Variants in KBTBD12 observed in about 807,000 individuals in gnomAD.
KBTBD12 encodes the protein kelch repeat and BTB domain containing 12.
In KBTBD12, 53 loss-of-function variants were observed where a neutral mutation model predicts 58.7. That is an observed-to-expected ratio of 0.90 (90% confidence interval 0.72 to 1.14). The LOEUF is 1.14. Among genes scored for constraint, KBTBD12 ranks in the 50% most tolerant of loss-of-function variants. The pLI is 0.00. For missense variants in KBTBD12, 704 were observed against 751.3 expected (o/e 0.94, Z 0.74); for synonymous variants, 236 against 259.8 (o/e 0.91, Z 0.88).
intron 4 of KBTBD12, among the ~76,000 whole-genome samples, chr3:127,935,662 G>A (rs1939814494): frequency 6.6e-6 from 1 of 151,756 alleles, no homozygotes; most frequent in Admixed American, 6.6e-5. Context: ...CAGCAAAGGA[G>A]GAACAGAAAA....
At position 127,930,126 on chromosome 3, in the gene KBTBD12, C is replaced by T. The variant is rs776068511; in HGVS notation, c.1342-7C>T. 38 of 1,572,380 alleles carry T rather than the reference C, an allele frequency of 2.4e-5. 1 individual carries two copies. The South Asian group carries it at 4.3e-4, about 18-fold the overall frequency. ...TGTTATTATATTGGCTGTCATATTTCATACAGATGGATCTTCCTGATGAAG... is the reference window on the plus strand; with the variant it reads ...TGTTATTATATTGGCTGTCATATTTTATACAGATGGATCTTCCTGATGAAG... On this transcript the variant is annotated splice_polypyrimidine_tract_variant and splice_region_variant and intron_variant, in intron 3 of 5. Transcript: ENST00000405109.
At chr3:127,970,941 T>C (rs1249655482) in intron 5 of KBTBD12, among the ~76,000 whole-genome samples, 1 of 152,226 alleles carries the variant, frequency 6.6e-6, no homozygotes, top group Non-Finnish European at 1.5e-5. Flanking sequence ...TTATGATATA[T>C]GAACTATACC....
chr3:127,941,171 A>G (rs1319578621), intron 4 of KBTBD12, among the ~76,000 whole-genome samples: 5 of 152,214 alleles, frequency 3.3e-5, no homozygotes, highest in Non-Finnish European at 7.3e-5. Context: ...AAAACTTCCC[A>G]TCTCATTTTA....
intron 5 of KBTBD12, 30 bp downstream of exon 5, chr3:127,963,416 C>T: frequency 6.5e-7 from 1 of 1,541,574 alleles, no homozygotes; most frequent in Non-Finnish European, 8.8e-7. Context: ...CATTTTGTTA[C>T]CTCCTTTGGT....
At chr3:127,972,068 C>A (rs537672435) in intron 5 of KBTBD12, among the ~76,000 whole-genome samples, 32 of 152,260 alleles carry the variant, frequency 2.1e-4, no homozygotes, top group South Asian at 1.9e-3. Context: ...TTTTACTAAC[C>A]AATGCAGATT....
intron 4 of KBTBD12, among the ~76,000 whole-genome samples, chr3:127,961,000 T>G (rs746610166): frequency 3.3e-5 from 5 of 152,238 alleles, no homozygotes; most frequent in Non-Finnish European, 5.9e-5. Flanking sequence ...TTCAGGATGC[T>G]GGTTGCTCCG....
At chr3:127,944,713 A>G (rs902423728) in intron 4 of KBTBD12, among the ~76,000 whole-genome samples, 1 of 152,052 alleles carries the variant, frequency 6.6e-6, no homozygotes, top group African/African-American at 2.4e-5. Context: ...ACTATGTTGT[A>G]TAGAAGTGGC....
At chr3:127,982,805 A>T (rs1177313166) in intron 5 of KBTBD12, among the ~76,000 whole-genome samples, 2 of 152,198 alleles carry the variant, frequency 1.3e-5, no homozygotes, top group African/African-American at 4.8e-5. Context: ...GTCTAGGGAC[A>T]GTGACAGCCC....
intron 2 of KBTBD12, among the ~76,000 whole-genome samples, chr3:127,925,151 T>C (rs1939534664): frequency 1.3e-5 from 2 of 152,194 alleles, no homozygotes; most frequent in African/African-American, 4.8e-5. Flanking sequence ...TCCACATTCA[T>C]ACTTTGAAGA....
intron 4 of KBTBD12, among the ~76,000 whole-genome samples, chr3:127,939,601 A>C (rs1312775527): frequency 3.9e-5 from 6 of 152,202 alleles, no homozygotes; most frequent in Admixed American, 3.9e-4. Flanking sequence ...AAGAAATGCT[A>C]TTCAAAGAGA....
At chr3:127,936,181 T>A (rs1210620242) in intron 4 of KBTBD12, among the ~76,000 whole-genome samples, 2 of 151,818 alleles carry the variant, frequency 1.3e-5, no homozygotes, top group Non-Finnish European at 2.9e-5. Context: ...GAGTGGCCAA[T>A]GTGGTGAAAC....
chr3:127,923,915 C>T lies in KBTBD12; in HGVS notation c.854C>T (p.Ser285Leu), dbSNP rs1416120676. 2.5e-6 allele frequency: 4 copies of T among 1,613,902 alleles called. No individual in the cohort carries two copies. The highest frequency in any genetic ancestry group is 3.4e-6 in the Non-Finnish European group (4 of 1,179,826). ...SLLLCIGNNS[S>L]GIRSRHRSYG... ...CTGCTTTGCATTGGCAACAATTCTT[C>T]AGGAATCAGATCAAGACATAGGAGC... is the stretch of plus-strand genomic sequence containing the variant. Residue 285 changes from serine (S) to leucine (L), a missense_variant, in exon 2 of 6, where the codon TCA becomes TTA. Transcript: ENST00000405109.
intron 5 of KBTBD12, among the ~76,000 whole-genome samples, chr3:127,976,312 C>A (rs1167209126): frequency 6.6e-6 from 1 of 152,130 alleles, no homozygotes; most frequent in African/African-American, 2.4e-5. Flanking sequence ...AGTCTAAGAT[C>A]AAGTATTGTG....
At chr3:127,961,206 A>G (rs1206928026) in intron 4 of KBTBD12, among the ~76,000 whole-genome samples, 1 of 152,176 alleles carries the variant, frequency 6.6e-6, no homozygotes, top group African/African-American at 2.4e-5. Context: ...CTCCTCTTTA[A>G]GTCCTTCTTG....
chr3:127,920,879 T>A (rs1013057660), intron 1 of KBTBD12, among the ~76,000 whole-genome samples: 2 of 152,080 alleles, frequency 1.3e-5, no homozygotes, highest in Non-Finnish European at 2.9e-5. Flanking sequence ...TTCAGTCTTC[T>A]ATAAATTGAA....
At chr3:127,940,677 A>AC (rs1939930687) in intron 4 of KBTBD12, among the ~76,000 whole-genome samples, 1 of 149,710 alleles carries the variant, frequency 6.7e-6, no homozygotes, top group Admixed American at 6.6e-5. Context: ...AAAAAGAACA[A>AC]CATAAATCAA....
At position 127,930,134 on chromosome 3, in the gene KBTBD12, T is replaced by G; in HGVS notation, c.1343T>G (p.Met448Arg). 1 of 1,579,174 alleles carries G rather than the reference T, an allele frequency of 6.3e-7. No individual in the cohort carries two copies. Among genetic ancestry groups the G allele is most frequent in the South Asian group, 1.2e-5 (1 of 86,610 alleles). Residue 448 changes from methionine (M) to arginine (R), a missense_variant and splice_region_variant, in exon 4 of 6, where the codon ATG becomes AGG. Transcript: ENST00000405109. Reference protein sequence around the residue: ...LYVIGGWTPQMDLPDEEPDRL... With the variant: ...LYVIGGWTPQRDLPDEEPDRL... ...TATTGGCTGTCATATTTCATACAGA[T>G]GGATCTTCCTGATGAAGAACCTGAT...
chr3:127,959,532 G>A (rs923752404), intron 4 of KBTBD12, among the ~76,000 whole-genome samples: 6 of 152,186 alleles, frequency 3.9e-5, no homozygotes, highest in Non-Finnish European at 7.3e-5. Flanking sequence ...GTAATCAAAG[G>A]TAGGATTTCA....
intron 5 of KBTBD12, chr3:127,963,633 C>CTTCAGGTGT: frequency 2.7e-6 from 1 of 366,848 alleles, no homozygotes; most frequent in Non-Finnish European, 4.7e-6. Flanking sequence ...ACCCTGAACA[C>CTTCAGGTGT]ACCTGGTCTC....
Sources: allele counts gnomAD v4.1 joint callset (sites outside exome capture counted in the v4.1 genomes callset), GRCh38; gene constraint gnomAD v4.1.1; transcripts MANE v1.5; gene names NCBI Gene and HGNC (gene_info 2026-07-23, HGNC 2026-07-21).